VWC2L: variants seen among roughly 807,000 people sequenced by gnomAD.
VWC2L encodes the protein von Willebrand factor C domain-containing protein 2-like.
A neutral mutation model predicts 21.6 loss-of-function variants in VWC2L; 10 were observed. The ratio of observed to expected loss-of-function variants is 0.46; its 90% CI spans 0.29 to 0.78. VWC2L has a LOEUF of 0.78. VWC2L is among the 30% of genes least tolerant of loss of function. The probability of loss-of-function intolerance (pLI) is 0.10; values close to 1 mark genes in which losing one functional copy is unlikely to be tolerated. For missense variants in VWC2L, 209 were observed against 277.1 expected (o/e 0.75, Z 1.74); for synonymous variants, 96 against 94.3 (o/e 1.02, Z -0.10).
intron 3 of VWC2L, among the ~76,000 whole-genome samples, chr2:214,523,873 A>G (rs568647539): frequency 6.6e-6 from 1 of 152,320 alleles, no homozygotes; most frequent in East Asian, 1.9e-4. Flanking sequence ...ATAAAATTTA[A>G]AAGACTCAAA....
intron 3 of VWC2L, among the ~76,000 whole-genome samples, chr2:214,566,235 G>C (rs2105932052): frequency 6.6e-6 from 1 of 152,258 alleles, no homozygotes; most frequent in Admixed American, 6.5e-5. Context: ...CTGAATGTGA[G>C]ACTAGACAGC....
chr2:214,427,539 T>A (rs1380079920), intron 2 of VWC2L, among the ~76,000 whole-genome samples: 1 of 152,196 alleles, frequency 6.6e-6, no homozygotes, highest in Non-Finnish European at 1.5e-5. Flanking sequence ...AATGCCATTC[T>A]CAATCGAACC....
At chr2:214,503,538 T>C (rs1175060035) in intron 3 of VWC2L, among the ~76,000 whole-genome samples, 1 of 152,150 alleles carries the variant, frequency 6.6e-6, no homozygotes, top group African/African-American at 2.4e-5. Context: ...TTAGGCTAAT[T>C]GTTCTCAAAA....
chr2:214,547,403 C>T (rs980911255), intron 3 of VWC2L, among the ~76,000 whole-genome samples: 6 of 151,904 alleles, frequency 3.9e-5, no homozygotes, highest in African/African-American at 1.5e-4. Context: ...GGAGAATGTT[C>T]GACATATAAT....
chr2:214,497,061 T>G (rs897321769), intron 3 of VWC2L, among the ~76,000 whole-genome samples: 10 of 152,200 alleles, frequency 6.6e-5, no homozygotes, highest in Non-Finnish European at 1.2e-4. Flanking sequence ...GATTTCCAAT[T>G]AAAAAGCAAA....
intron 3 of VWC2L, among the ~76,000 whole-genome samples, chr2:214,515,550 T>A (rs536609923): frequency 2.0e-5 from 3 of 152,178 alleles, no homozygotes; most frequent in Admixed American, 6.5e-5. Context: ...TATTTATTTA[T>A]TTTATTTATT....
At chr2:214,559,419 C>T in intron 3 of VWC2L, among the ~76,000 whole-genome samples, 1 of 152,054 alleles carries the variant, frequency 6.6e-6, no homozygotes, top group South Asian at 2.1e-4. Context: ...GTTGCAAATG[C>T]TTTCCCATAT....
intron 3 of VWC2L, among the ~76,000 whole-genome samples, chr2:214,504,035 T>A (rs978919436): frequency 2.0e-5 from 3 of 152,218 alleles, no homozygotes; most frequent in African/African-American, 7.2e-5. Flanking sequence ...AGGCTAGTCT[T>A]GAAAACAGCT....
rs56041924 is a variant in VWC2L, at chr2:214,470,916, CAAAAAAAAA to C, written c.520+34177_520+34185del. Among the ~76,000 whole-genome samples the C allele has an allele frequency of 9.8e-5, 5 of 50,796 alleles. No individual in the cohort carries two copies. The Admixed American group carries it at 1.1e-3, about 11-fold the overall frequency. The allele number at this position is 50,796 out of a possible 152,430, so 33.3% of individuals were successfully genotyped here. A position where few individuals can be genotyped will look rare whatever the true frequency, so the allele number is the denominator to read the frequency against. On this transcript the variant is annotated intron_variant, in intron 3 of 3. Coordinates refer to ENST00000312504, the MANE Select transcript of VWC2L (RefSeq NM_001080500.4). ...TGGGCAACAGAGTGAAACTCCATCT[CAAAAAAAAA>C]AAAAAAAAAAAAAAAAAAGATAGGT... is the stretch of plus-strand genomic sequence containing the variant.
At chr2:214,466,508 G>GTTTCAAA (rs1345465107) in intron 3 of VWC2L, among the ~76,000 whole-genome samples, 3 of 152,218 alleles carry the variant, frequency 2.0e-5, no homozygotes, top group Admixed American at 1.3e-4. Context: ...TGGGTTCATA[G>GTTTCAAA]TTTCTGTGAA....
At chr2:214,550,871 T>A (rs145248397) in intron 3 of VWC2L, among the ~76,000 whole-genome samples, 178 of 152,302 alleles carry the variant, frequency 1.2e-3, no homozygotes, top group African/African-American at 4.1e-3. Flanking sequence ...TGGCTCCCCA[T>A]TTCTTAGAGG....
chr2:214,539,504 A>T (rs1689593427), intron 3 of VWC2L, among the ~76,000 whole-genome samples: 1 of 152,156 alleles, frequency 6.6e-6, no homozygotes, highest in Admixed American at 6.6e-5. Context: ...TAGGTCTGTT[A>T]CTGTGTGACT....
chr2:214,562,165 C>T (rs1689985957), intron 3 of VWC2L, among the ~76,000 whole-genome samples: 1 of 151,850 alleles, frequency 6.6e-6, no homozygotes, highest in African/African-American at 2.4e-5. Flanking sequence ...CTACACCCCC[C>T]AACAGGCCCC....
intron 2 of VWC2L, among the ~76,000 whole-genome samples, chr2:214,433,233 T>C (rs957222042): frequency 1.3e-5 from 2 of 148,910 alleles, no homozygotes; most frequent in Admixed American, 1.4e-4. Context: ...TAATCCTAAT[T>C]TCAACTAAAA....
intron 3 of VWC2L, among the ~76,000 whole-genome samples, chr2:214,546,817 C>A (rs1406982659): frequency 6.6e-6 from 1 of 152,046 alleles, no homozygotes; most frequent in Admixed American, 6.6e-5. Flanking sequence ...GTAGAGCTGG[C>A]ATGTTAAAGT....
chr2:214,426,665 A>T lies in VWC2L; in HGVS notation c.391-9964A>T, dbSNP rs995680045. 2.0e-5 allele frequency among the ~76,000 whole-genome samples: 3 copies of T among 152,248 alleles called. No homozygotes were observed. The East Asian group carries it at 5.8e-4, about 29-fold the overall frequency. ...CTTGTCATATAAATGGAGATTATCA[A>T]ACTTGGCAAATCAAAAAAGGTCTTC... On this transcript the variant is annotated intron_variant, in intron 2 of 3. Transcript: ENST00000312504.
chr2:214,481,068 A>C (rs189393856), intron 3 of VWC2L, among the ~76,000 whole-genome samples: 17 of 152,236 alleles, frequency 1.1e-4, no homozygotes, highest in Admixed American at 2.0e-4. Flanking sequence ...CCAAAGAAAA[A>C]AAATCAGCTT....
At chr2:214,433,080 T>C (rs1702624327) in intron 2 of VWC2L, among the ~76,000 whole-genome samples, 1 of 146,806 alleles carries the variant, frequency 6.8e-6, no homozygotes. Flanking sequence ...TTAAATGGAG[T>C]TCTACATTAG....
At chr2:214,545,274 C>A (rs964616851) in intron 3 of VWC2L, among the ~76,000 whole-genome samples, 2 of 152,160 alleles carry the variant, frequency 1.3e-5, no homozygotes, top group Admixed American at 1.3e-4. Flanking sequence ...GTTATATCCG[C>A]GTGCACCCTC....
Sources: gnomAD v4.1 joint callset for allele counts (sites outside exome capture counted in the v4.1 genomes callset) on GRCh38, gnomAD v4.1.1 for gene constraint, MANE v1.5 for transcripts, NCBI Gene and HGNC (gene_info 2026-07-23, HGNC 2026-07-21) for gene names.